BCAP29: variants seen among roughly 807,000 people sequenced by gnomAD.
BCAP29 encodes the protein B-cell receptor-associated protein 29.
A neutral mutation model predicts 31.8 loss-of-function variants in BCAP29; 34 were observed. The observed-to-expected ratio is 1.07, with a 90% CI of 0.81 to 1.42. The LOEUF is 1.42. Among genes scored for constraint, BCAP29 ranks in the 40% most tolerant of loss-of-function variants. The pLI is 0.00. For missense variants in BCAP29, 314 were observed against 269.2 expected (o/e 1.17, Z -1.16); for synonymous variants, 104 against 91.3 (o/e 1.14, Z -0.79).
intron 7 of BCAP29, 168 bp downstream of exon 7, chr7:107,613,600 A>G: frequency 6.6e-7 from 1 of 1,515,996 alleles, no homozygotes; most frequent in East Asian, 2.3e-5. Context: ...AGATTAGGAC[A>G]TTGCAGGAAA....
At chr7:107,608,458 A>G (rs553886541) in intron 6 of BCAP29, among the ~76,000 whole-genome samples, 6 of 149,574 alleles carry the variant, frequency 4.0e-5, no homozygotes, top group Middle Eastern at 3.2e-3. Context: ...CATTTTGGAT[A>G]TTTGTTTGTT....
chr7:107,607,336 A>G (rs1235697842), intron 6 of BCAP29, among the ~76,000 whole-genome samples: 2 of 152,090 alleles, frequency 1.3e-5, no homozygotes, highest in African/African-American at 4.8e-5. Flanking sequence ...GTTCTCTGAT[A>G]TGTGCCTCCA....
At chr7:107,600,531 T>A in intron 6 of BCAP29, 26 bp downstream of exon 6, 1 of 1,353,770 alleles carries the variant, frequency 7.4e-7, no homozygotes, top group Non-Finnish European at 1.0e-6. Flanking sequence ...TGTGAAAAAG[T>A]AAAAAGACTA....
chr7:107,592,577 C>T (rs1488238212), intron 3 of BCAP29, among the ~76,000 whole-genome samples: 1 of 152,180 alleles, frequency 6.6e-6, no homozygotes, highest in Non-Finnish European at 1.5e-5. Context: ...CAGTTCATCT[C>T]TTAGGTATGT....
downstream of BCAP29, chr7:107,622,269 G>C (rs115631817): frequency 6.0e-6 from 1 of 165,944 alleles, no homozygotes; most frequent in Non-Finnish European, 1.3e-5. Flanking sequence ...TTGTCTTCCC[G>C]TTCTTTCCAA....
intron 6 of BCAP29, among the ~76,000 whole-genome samples, chr7:107,608,585 A>AT (rs749663277): frequency 1.3e-5 from 2 of 151,548 alleles, no homozygotes; most frequent in Non-Finnish European, 2.9e-5. Flanking sequence ...ATGTTTAGGG[A>AT]TTTTTTTTAA....
At chr7:107,580,519 C>T (rs932884421) in intron 1 of BCAP29, 8 of 428,310 alleles carry the variant, frequency 1.9e-5, no homozygotes, top group Non-Finnish European at 2.9e-5. Flanking sequence ...CGCCGCGAAG[C>T]TGGCGGAAAA....
At chr7:107,605,204 C>A (rs1027386861) in intron 6 of BCAP29, among the ~76,000 whole-genome samples, 4 of 152,062 alleles carry the variant, frequency 2.6e-5, no homozygotes, top group Non-Finnish European at 4.4e-5. Context: ...GGAGGAATAG[C>A]TATAGGGAAG....
rs747069379 is a variant in BCAP29 at position 107,580,849 on chromosome 7, T to G, written c.77T>G (p.Phe26Cys). Residue 26 changes from phenylalanine (F) to cysteine (C), a missense_variant, in exon 2 of 8, where the codon TTT becomes TGT. Physicochemically the swap from Phe to Cys is radical, Grantham distance 205. Coordinates refer to ENST00000005259, the MANE Select transcript of BCAP29 (RefSeq NM_018844.4). ...CTCATTTTAATCTTCTGCCTACCTTTTATTCCTCCTCAGAGGTAGGAAACC... is the reference window on the plus strand; with the variant it reads ...CTCATTTTAATCTTCTGCCTACCTTGTATTCCTCCTCAGAGGTAGGAAACC... ...IGLILIFCLP[F>C]IPPQRWQKIF... 3 of 1,592,430 alleles carry G rather than the reference T, an allele frequency of 1.9e-6. No individual in the cohort carries two copies. Among genetic ancestry groups the G allele is most frequent in the Non-Finnish European group, 2.6e-6 (3 of 1,170,832 alleles).
chr7:107,618,764 A>G lies in BCAP29; in HGVS notation c.*401A>G. 1 of 543,684 alleles carries G rather than the reference A, an allele frequency of 1.8e-6. No homozygotes were observed. The allele number at this position is 543,684 out of a possible 1,614,324, so 33.7% of individuals were successfully genotyped here. A position where few individuals can be genotyped will look rare whatever the true frequency, so the allele number is the denominator to read the frequency against. On this transcript the variant is annotated 3_prime_UTR_variant, in exon 8 of 8. Transcript: ENST00000005259. ...TAATAACCTATTTAATCAGATGATG[A>G]TGTGTTTGAAAATAGTGTTCAATAT...
chr7:107,585,693 A>G (rs987443848), intron 3 of BCAP29, among the ~76,000 whole-genome samples: 1 of 152,142 alleles, frequency 6.6e-6, no homozygotes, highest in Non-Finnish European at 1.5e-5. Flanking sequence ...TTTTGGTTAC[A>G]TTAGAAACAA....
At chr7:107,594,400 C>G (rs1166823743) in intron 4 of BCAP29, among the ~76,000 whole-genome samples, 1 of 152,102 alleles carries the variant, frequency 6.6e-6, no homozygotes, top group Admixed American at 6.5e-5. Flanking sequence ...GTTGCCCAGA[C>G]TGGTCTCAAA....
Position 107,580,862 on chromosome 7 carries a change from G to A in BCAP29, c.90G>A (p.Gln30=), listed in dbSNP as rs371256945. ...LIFCLPFIPP[Q]RWQKIFSFNV... ...TCTGCCTACCTTTTATTCCTCCTCA[G>A]AGGTAGGAAACCTTCAAATCGTTAA... The change falls in exon 2 of 8, where the codon CAG becomes CAA. Residue 30 remains glutamine, a splice_region_variant and synonymous_variant. Coordinates refer to ENST00000005259, the MANE Select transcript of BCAP29 (RefSeq NM_018844.4). 5.6e-5 allele frequency: 89 copies of A among 1,584,502 alleles called. No individual in the cohort carries two copies. The highest frequency in any genetic ancestry group is 7.4e-5 in the Non-Finnish European group (86 of 1,167,298).
chr7:107,598,927 ACACACG>A (rs1225370155), intron 5 of BCAP29, among the ~76,000 whole-genome samples: 29 of 143,254 alleles, frequency 2.0e-4, no homozygotes, highest in African/African-American at 6.8e-4. Flanking sequence ...ACACACACAC[ACACACG>A]CACGCACATA....
At chr7:107,588,499 T>C (rs1454944070) in intron 3 of BCAP29, among the ~76,000 whole-genome samples, 1 of 152,220 alleles carries the variant, frequency 6.6e-6, no homozygotes. Context: ...CTATTTCTCC[T>C]GTGTTAAAAA....
rs778040848 is a variant in BCAP29, at chr7:107,593,977, A to G, written c.216A>G (p.Lys72=). Residue 72 remains lysine, a synonymous_variant, in exon 4 of 8, where the codon AAA becomes AAG. Transcript: ENST00000005259. ...TAGATGCTGTGAGAGAAGTAAGGAA[A>G]TATTCCTCAGTTCATACCATTGAGA... The part of the protein sequence containing the change: ...LFLDAVREVR[K]YSSVHTIEKS... 1.2e-6 allele frequency: 2 copies of G among 1,611,792 alleles called. No homozygotes were observed. The highest frequency in any genetic ancestry group is 2.2e-5 in the East Asian group (1 of 44,864).
At chr7:107,610,791 C>T (rs1048597655) in intron 6 of BCAP29, among the ~76,000 whole-genome samples, 2 of 152,116 alleles carry the variant, frequency 1.3e-5, no homozygotes, top group Non-Finnish European at 2.9e-5. Flanking sequence ...TAAAAAGGAA[C>T]TACTGGGTTG....
At chr7:107,616,305 C>T (rs745879792) in intron 7 of BCAP29, 3 of 152,422 alleles carry the variant, frequency 2.0e-5, no homozygotes, top group Non-Finnish European at 2.9e-5. Context: ...CACCTGGGCT[C>T]CATAACCCTC....
intron 1 of BCAP29, 32 bp from the exon 2 acceptor site, chr7:107,580,727 A>C (rs1806470154): frequency 6.7e-7 from 1 of 1,484,898 alleles, no homozygotes; most frequent in Non-Finnish European, 9.3e-7. Flanking sequence ...GTTTGAAAGG[A>C]AGCAAGAGAA....
Sources: gnomAD v4.1 joint callset for allele counts (sites outside exome capture counted in the v4.1 genomes callset) on GRCh38, gnomAD v4.1.1 for gene constraint, MANE v1.5 for transcripts, NCBI Gene and HGNC (gene_info 2026-07-23, HGNC 2026-07-21) for gene names.